Variants in ZNF451 observed in about 807,000 individuals in gnomAD.
The protein encoded by ZNF451 is E3 SUMO-protein ligase ZNF451.
ZNF451 carries 80 observed loss-of-function variants against 107.1 expected under a neutral mutation model. That is an observed-to-expected ratio of 0.75 (90% CI 0.62 to 0.90). The LOEUF (loss-of-function observed/expected upper bound fraction) is 0.90, where lower values mean the gene tolerates loss of function less well. Among genes scored for constraint, ZNF451 ranks in the 40% least tolerant of loss-of-function variants. ZNF451 has a pLI of 0.00. For synonymous variants in ZNF451, 362 were observed against 406.5 expected (o/e 0.89, Z 1.32); for missense variants, 1,107 against 1,236.2 (o/e 0.90, Z 1.57).
intron 3 of ZNF451, chr6:57,101,110 A>G (rs1027592343): frequency 6.4e-7 from 1 of 1,550,750 alleles, no homozygotes; most frequent in Non-Finnish European, 8.7e-7. Context: ...AAATTTATCC[A>G]CAGTTGAAGA....
chr6:57,158,731 A>C (rs1763539635), intron 13 of ZNF451: 1 of 985,438 alleles, frequency 1.0e-6, no homozygotes, highest in Middle Eastern at 5.2e-4. Flanking sequence ...TGAGAATTAC[A>C]TGTAATGAAA....
chr6:57,118,936 C>T (rs1830501792), intron 3 of ZNF451, among the ~76,000 whole-genome samples: 1 of 152,172 alleles, frequency 6.6e-6, no homozygotes, highest in Non-Finnish European at 1.5e-5. Context: ...TACCTGGGTG[C>T]AAGGCTGTAT....
rs751884361 is a variant in ZNF451 at position 57,150,686 on chromosome 6, A to C, written c.2609-33A>C. 3 of 1,559,234 alleles carry C rather than the reference A, an allele frequency of 1.9e-6. No individual in the cohort carries two copies. In the African/African-American group the frequency reaches 4.1e-5, roughly 22 times the overall value. ...ATCAGAATGATTTTAGCAAATTCTTACTGAACTCATGTTGATATTTCTCTC... is the reference window on the plus strand; with the variant it reads ...ATCAGAATGATTTTAGCAAATTCTTCCTGAACTCATGTTGATATTTCTCTC... On this transcript the variant is annotated intron_variant, in intron 10 of 14. Transcript: ENST00000370706.
At chr6:57,132,913 C>T in intron 5 of ZNF451, 129 bp from the exon 6 acceptor site, 1 of 913,040 alleles carries the variant, frequency 1.1e-6, no homozygotes. Flanking sequence ...AGGTTTTAAA[C>T]AATTATAATT....
At position 57,168,740 on chromosome 6, in the gene ZNF451, T is replaced by C. The variant is rs1764012792; in HGVS notation, c.*271T>C. On this transcript the variant is annotated 3_prime_UTR_variant, in exon 15 of 15. Transcript: ENST00000370706. ...AGTTTCCCAGTTAACTTTGAATTTA[T>C]ATATTTAGATTTAAAGGATTAAAAA... The C allele has an allele frequency of 3.1e-6, 1 of 326,680 alleles. No homozygotes were observed. Among genetic ancestry groups the C allele is most frequent in the African/African-American group, 2.2e-5 (1 of 45,698 alleles). 20.2% of individuals were successfully genotyped at this position (326,680 alleles called of 1,614,324 possible).
intron 3 of ZNF451, 189 bp downstream of exon 3, chr6:57,099,330 A>G: frequency 1.6e-6 from 1 of 642,264 alleles, no homozygotes; most frequent in Non-Finnish European, 2.8e-6. Context: ...TCTACTTTGA[A>G]TGAGATTATG....
chr6:57,159,488 A>G (rs1053830077), intron 13 of ZNF451: 1 of 643,842 alleles, frequency 1.6e-6, no homozygotes, highest in African/African-American at 2.0e-5. Flanking sequence ...AATGTAGCCC[A>G]ACACAAATTT....
chr6:57,107,952 CCTAAGCCTCCTGA>C, intron 3 of ZNF451: 1 of 535,764 alleles, frequency 1.9e-6, no homozygotes, highest in Non-Finnish European at 2.4e-6. Context: ...CATTCTCCTG[CCTAAGCCTCCTGA>C]GTAGCTGGGA....
In ZNF451 at chr6:57,108,231, A is replaced by G. The variant is rs938186361; in HGVS notation, c.186+9090A>G. ...TAGTCCTTTTGTAAGACTAACTTTC[A>G]TATGCTATCTTTGCTCCATGAGCTA... On this transcript the variant is annotated intron_variant, in intron 3 of 14. Transcript: ENST00000370706. 1.2e-5 allele frequency: 12 copies of G among 985,276 alleles called. No individual in the cohort carries two copies. The South Asian group carries it at 2.8e-4, about 23-fold the overall frequency. The allele number at this position is 985,276 out of a possible 1,614,324, so 61.0% of individuals were successfully genotyped here. A position where few individuals can be genotyped will look rare whatever the true frequency, so the allele number is the denominator to read the frequency against.
At chr6:57,145,512 G>A (rs1337565409) in intron 9 of ZNF451, among the ~76,000 whole-genome samples, 8 of 151,998 alleles carry the variant, frequency 5.3e-5, no homozygotes, top group East Asian at 1.9e-4. Flanking sequence ...ATATGTCCAC[G>A]TGTACCCATT....
intron 13 of ZNF451, among the ~76,000 whole-genome samples, chr6:57,157,456 G>A (rs564220762): frequency 4.6e-5 from 7 of 152,232 alleles, no homozygotes; most frequent in Non-Finnish European, 7.4e-5. Context: ...ATGGTGGGGA[G>A]GGGAAAGGTT....
intron 2 of ZNF451, among the ~76,000 whole-genome samples, chr6:57,096,754 T>TA (rs1204770860): frequency 3.4e-5 from 5 of 146,642 alleles, no homozygotes; most frequent in Non-Finnish European, 7.5e-5. Context: ...GGATCGAACA[T>TA]ACAATTTTCA....
At chr6:57,099,179 T>G in intron 3 of ZNF451, 38 bp downstream of exon 3, 1 of 1,494,770 alleles carries the variant, frequency 6.7e-7, no homozygotes. Flanking sequence ...TCTTCACTTG[T>G]GTCTTTTAAG....
intron 14 of ZNF451, chr6:57,165,053 G>A (rs2127989389): frequency 6.6e-6 from 1 of 152,218 alleles, no homozygotes; most frequent in African/African-American, 2.4e-5. Context: ...GTCAGATATA[G>A]AATTCTTGAT....
At chr6:57,134,075 G>A (rs978499382) in intron 6 of ZNF451, 2 of 152,234 alleles carry the variant, frequency 1.3e-5, no homozygotes, top group Non-Finnish European at 2.9e-5. Flanking sequence ...AATAGCTGAA[G>A]AATGGGAAAT....
chr6:57,104,236 T>C lies in ZNF451; in HGVS notation c.186+5095T>C, dbSNP rs1382155569. ...ACAAAGGCCTAAGAAATCATACATT[T>C]TTGTAGCTTATGTGTATTGCACCAA... On this transcript the variant is annotated intron_variant, in intron 3 of 14. Coordinates refer to ENST00000370706, the MANE Select transcript of ZNF451 (RefSeq NM_001031623.3). The C allele has an allele frequency of 3.0e-6, 3 of 985,286 alleles. No individual in the cohort carries two copies. In the East Asian group the frequency reaches 3.4e-4, roughly 112 times the overall value. The allele number at this position is 985,286 out of a possible 1,614,324, so 61.0% of individuals were successfully genotyped here.
intron 13 of ZNF451, among the ~76,000 whole-genome samples, chr6:57,159,763 G>A (rs1285309567): frequency 6.6e-6 from 1 of 152,024 alleles, no homozygotes; most frequent in Admixed American, 6.6e-5. Flanking sequence ...TAGCAAAGAT[G>A]ACTTGTAAAA....
At chr6:57,103,688 T>C (rs1829713857) in intron 3 of ZNF451, 11 of 985,350 alleles carry the variant, frequency 1.1e-5, no homozygotes, top group Non-Finnish European at 1.2e-5. Flanking sequence ...CTTCTGCGTT[T>C]TTTCATCTGC....
At chr6:57,091,487 G>T (rs1829041874) in intron 2 of ZNF451, 1 of 150,704 alleles carries the variant, frequency 6.6e-6, no homozygotes, top group African/African-American at 2.4e-5. Flanking sequence ...GGGCCCCACT[G>T]CAGACCTACC....
Sources: gnomAD v4.1 joint callset for allele counts (sites outside exome capture counted in the v4.1 genomes callset) on GRCh38, gnomAD v4.1.1 for gene constraint, MANE v1.5 for transcripts, NCBI Gene and HGNC (gene_info 2026-07-23, HGNC 2026-07-21) for gene names.